The following TTC7B variants were observed in gnomAD, a reference collection of about 807,000 sequenced individuals.
TTC7B encodes tetratricopeptide repeat protein 7B.
In TTC7B, 28 loss-of-function variants were observed where a neutral mutation model predicts 106.8. That is an observed-to-expected ratio of 0.26 (90% CI 0.19 to 0.36). The LOEUF (loss-of-function observed/expected upper bound fraction) is 0.36, where lower values mean the gene tolerates loss of function less well. Ranked by LOEUF, TTC7B falls within the 10% of genes least tolerant of loss-of-function variation. TTC7B has a pLI of 1.00. For synonymous variants in TTC7B, 405 were observed against 430.6 expected (o/e 0.94, Z 0.74); for missense variants, 862 against 1,076.4 (o/e 0.80, Z 2.79).
chr14:90,720,326 G>A (rs1742083), intron 5 of TTC7B, among the ~76,000 whole-genome samples: 94,653 of 151,926 alleles, frequency 0.62, 29,819 homozygotes, highest in Admixed American at 0.68. Flanking sequence ...CCTCAATGCT[G>A]TAACTATCTT....
intron 8 of TTC7B, among the ~76,000 whole-genome samples, chr14:90,678,806 A>T (rs140239249): frequency 1.3e-5 from 2 of 152,250 alleles, no homozygotes; most frequent in African/African-American, 4.8e-5. Context: ...AGAGGTGGCC[A>T]TGTTTTCCAA....
chr14:90,646,120 A>G (rs1255411278), intron 14 of TTC7B, among the ~76,000 whole-genome samples: 1 of 152,160 alleles, frequency 6.6e-6, no homozygotes, highest in Non-Finnish European at 1.5e-5. Context: ...TTGCCAATGG[A>G]AGCCACTTCT....
chr14:90,800,507 G>A (rs1362493983), intron 1 of TTC7B, among the ~76,000 whole-genome samples: 1 of 152,114 alleles, frequency 6.6e-6, no homozygotes, highest in Admixed American at 6.5e-5. Flanking sequence ...CCTTAGAAGA[G>A]GGAAGTTAGA....
intron 5 of TTC7B, among the ~76,000 whole-genome samples, chr14:90,711,258 T>C (rs913659218): frequency 4.6e-5 from 7 of 152,198 alleles, no homozygotes; most frequent in African/African-American, 1.7e-4. Context: ...AAAAATAACA[T>C]TGTGTAAAGG....
chr14:90,790,132 A>G (rs972188531), intron 1 of TTC7B, among the ~76,000 whole-genome samples: 1 of 152,078 alleles, frequency 6.6e-6, no homozygotes, highest in Non-Finnish European at 1.5e-5. Context: ...CTAAATATCT[A>G]CCTTTATATC....
At chr14:90,716,551 T>G (rs1174466108) in intron 5 of TTC7B, among the ~76,000 whole-genome samples, 1 of 152,220 alleles carries the variant, frequency 6.6e-6, no homozygotes, top group Non-Finnish European at 1.5e-5. Context: ...CAGCAGGCTC[T>G]CAATAAACAT....
intron 5 of TTC7B, among the ~76,000 whole-genome samples, chr14:90,726,284 C>T (rs546016055): frequency 5.3e-4 from 81 of 152,306 alleles, no homozygotes; most frequent in African/African-American, 1.8e-3. Flanking sequence ...CCAGTGCCAC[C>T]GCGGTCAGAC....
rs2139803147 is a variant in TTC7B at position 90,577,119 on chromosome 14, G to C, written c.2310+987C>G. On this transcript the variant is annotated intron_variant, in intron 19 of 19. Coordinates refer to ENST00000328459, the MANE Select transcript of TTC7B (RefSeq NM_001010854.2). This position sits in a 1 kb window ranked among gnomAD's most constrained non-coding sequence, Gnocchi z 5.0. ...AGCCTCCACGGGTGCGGACACGAAG[G>C]GCCCTGAGCTTTATAATAAAAGGCT... Among the ~76,000 whole-genome samples, 1 of 152,268 alleles carries C rather than the reference G, an allele frequency of 6.6e-6. No individual in the cohort carries two copies. The highest frequency in any genetic ancestry group is 1.5e-5 in the Non-Finnish European group (1 of 68,020).
Position 90,577,645 on chromosome 14 carries a change from A to G in TTC7B, c.2310+461T>C, listed in dbSNP as rs574473981. On this transcript the variant is annotated intron_variant, in intron 19 of 19. Transcript: ENST00000328459. The surrounding 1 kb of genome is among the most constrained non-coding windows in gnomAD (Gnocchi z 5.0). ...CCTCCCAGCCAATGGCCTCAGAGAC[A>G]TGCTGGAGTCTCAGGCTCCCTTAAG... Among the ~76,000 whole-genome samples, 5 of 152,328 alleles carry G rather than the reference A, an allele frequency of 3.3e-5. No homozygotes were observed. Among genetic ancestry groups the G allele is most frequent in the African/African-American group, 1.2e-4 (5 of 41,576 alleles).
At chr14:90,688,766 T>A (rs1486522235) in intron 7 of TTC7B, among the ~76,000 whole-genome samples, 1 of 151,254 alleles carries the variant, frequency 6.6e-6, no homozygotes, top group Non-Finnish European at 1.5e-5. Flanking sequence ...GCCACTGCAC[T>A]CCAGCATGGA....
intron 17 of TTC7B, 157 bp from the exon 18 acceptor site, chr14:90,593,783 C>T (rs141529221): frequency 4.9e-5 from 33 of 666,998 alleles, no homozygotes; most frequent in East Asian, 6.5e-5. Flanking sequence ...AATCACGGCC[C>T]GGGGCCTTAG....
intron 5 of TTC7B, among the ~76,000 whole-genome samples, chr14:90,714,037 G>A (rs1888550384): frequency 6.6e-6 from 1 of 152,128 alleles, no homozygotes; most frequent in African/African-American, 2.4e-5. Flanking sequence ...AGACCAGCCT[G>A]ACTAACATGG....
At chr14:90,566,519 A>T (rs1009668720) in intron 19 of TTC7B, among the ~76,000 whole-genome samples, 12 of 152,170 alleles carry the variant, frequency 7.9e-5, no homozygotes, top group African/African-American at 2.9e-4. Flanking sequence ...TGACTAGTTG[A>T]TGTTCTGAAA....
chr14:90,730,258 C>T (rs1889275251), intron 4 of TTC7B, 62 bp from the exon 5 acceptor site: 15 of 1,553,532 alleles, frequency 9.7e-6, no homozygotes, highest in South Asian at 6.1e-5. Context: ...TCCTTCAAAC[C>T]CTATCTCTAA....
At chr14:90,698,931 A>G (rs1887873587) in intron 5 of TTC7B, 1 of 323,152 alleles carries the variant, frequency 3.1e-6, no homozygotes, top group African/African-American at 2.2e-5. Flanking sequence ...GACATAGTCT[A>G]CTCTTCCCTT....
intron 16 of TTC7B, among the ~76,000 whole-genome samples, chr14:90,612,448 T>C (rs1269893123): frequency 6.6e-6 from 1 of 152,170 alleles, no homozygotes; most frequent in Non-Finnish European, 1.5e-5. Flanking sequence ...AACGATGACA[T>C]ATTATTCACC....
chr14:90,618,884 T>C (rs1301975825), intron 15 of TTC7B, among the ~76,000 whole-genome samples: 1 of 152,164 alleles, frequency 6.6e-6, no homozygotes, highest in East Asian at 1.9e-4. Context: ...CTCTCACACA[T>C]CTTATTATAA....
chr14:90,809,995 C>T (rs962625660), intron 1 of TTC7B, among the ~76,000 whole-genome samples: 10 of 152,204 alleles, frequency 6.6e-5, no homozygotes, highest in Non-Finnish European at 1.3e-4. Context: ...TTACAACCTC[C>T]CTATAAGTTT....
chr14:90,769,784 A>G (rs1890801949), intron 3 of TTC7B, among the ~76,000 whole-genome samples: 1 of 152,164 alleles, frequency 6.6e-6, no homozygotes, highest in Admixed American at 6.5e-5. Context: ...AAACAAACAA[A>G]AAGATATTCA....
Sources: gnomAD v4.1 joint callset for allele counts (sites outside exome capture counted in the v4.1 genomes callset) on GRCh38, gnomAD v4.1.1 for gene constraint, Gnocchi (gnomAD v3.1) non-coding constraint, MANE v1.5 for transcripts, NCBI Gene and HGNC (gene_info 2026-07-23, HGNC 2026-07-21) for gene names.